Variants in DLG2 observed in about 807,000 individuals in gnomAD.
DLG2 encodes disks large homolog 2.
A neutral mutation model predicts 132.5 loss-of-function variants in DLG2; 45 were observed. The ratio of observed to expected loss-of-function variants is 0.34; its 90% CI spans 0.27 to 0.44. The LOEUF is 0.44. DLG2 is among the 20% of genes least tolerant of loss of function. The pLI, the probability that DLG2 is intolerant of heterozygous loss-of-function variation, is 1.00. For synonymous variants in DLG2, 424 were observed against 419.6 expected, an observed-to-expected ratio of 1.01 and a Z score of -0.13; for missense variants, 1,045 against 1,196.9, an observed-to-expected ratio of 0.87 and a Z score of 1.87.
chr11:84,590,569 G>C (rs1402014743), intron 6 of DLG2, among the ~76,000 whole-genome samples: 1 of 152,014 alleles, frequency 6.6e-6, no homozygotes, highest in Non-Finnish European at 1.5e-5. Flanking sequence ...TATCTTCTAG[G>C]GGTGAGAGAT....
At chr11:85,211,979 A>G (rs891296262) in intron 4 of DLG2, among the ~76,000 whole-genome samples, 1 of 152,106 alleles carries the variant, frequency 6.6e-6, no homozygotes, top group Admixed American at 6.6e-5. Context: ...AATTAAATGA[A>G]AAGTTTCTGC....
chr11:85,209,445 C>CT lies in DLG2; in HGVS notation c.187-54795dup, dbSNP rs1164394816. Among the ~76,000 whole-genome samples, 553 of 74,426 alleles carry CT rather than the reference C, an allele frequency of 7.4e-3. 41 individuals are homozygous for CT. Among genetic ancestry groups the CT allele is most frequent in the South Asian group, 0.052 (85 of 1,646 alleles). The allele number at this position is 74,426 out of a possible 152,430, so 48.8% of individuals were successfully genotyped here. ...AACTTATGGGCACAAAGAAATCAGT[C>CT]TTTTTTTTTTTTTTTTTTTTTTGAG... On this transcript the variant is annotated intron_variant, in intron 4 of 27. Transcript: ENST00000376104.
intron 3 of DLG2, among the ~76,000 whole-genome samples, chr11:85,359,609 T>C (rs1596509058): frequency 1.3e-5 from 2 of 152,324 alleles, no homozygotes; most frequent in Middle Eastern, 3.4e-3. Flanking sequence ...CTAGAGGTGA[T>C]ATGCACAACA....
At chr11:84,495,918 A>G (rs2099181906) in intron 7 of DLG2, among the ~76,000 whole-genome samples, 2 of 152,116 alleles carry the variant, frequency 1.3e-5, no homozygotes, top group South Asian at 4.1e-4. Context: ...CACAGAATGA[A>G]TGCTTCTCAA....
Position 84,534,738 on chromosome 11 carries a change from G to C in DLG2, c.358-7C>G. The C allele has an allele frequency of 1.2e-6, 2 of 1,613,388 alleles. No homozygotes were observed. Among genetic ancestry groups the C allele is most frequent in the African/African-American group, 1.3e-5 (1 of 75,000 alleles). On this transcript the variant is annotated splice_region_variant and splice_polypyrimidine_tract_variant and intron_variant, in intron 6 of 27. Transcript: ENST00000376104. ...CATCTTGATATCGATACTTCTAGGA[G>C]AAAAGAAAAGAAAGGACAAGTATGT... is the stretch of plus-strand genomic sequence containing the variant.
chr11:85,331,648 G>A (rs949410575), intron 3 of DLG2, among the ~76,000 whole-genome samples: 13 of 152,084 alleles, frequency 8.5e-5, no homozygotes, highest in Non-Finnish European at 1.5e-4. Flanking sequence ...AGGCCCCGGT[G>A]GCTATGATTC....
chr11:84,484,955 A>G (rs1416158447), intron 7 of DLG2, among the ~76,000 whole-genome samples: 1 of 152,194 alleles, frequency 6.6e-6, no homozygotes, highest in African/African-American at 2.4e-5. Flanking sequence ...ACTATACACC[A>G]GACCACAAAT....
intron 11 of DLG2, among the ~76,000 whole-genome samples, chr11:84,011,735 G>C (rs1328638831): frequency 6.6e-6 from 1 of 152,022 alleles, no homozygotes. Context: ...ATGAAACAAT[G>C]AATGTGGCCA....
intron 7 of DLG2, among the ~76,000 whole-genome samples, chr11:84,445,419 G>A (rs1032160773): frequency 6.6e-6 from 1 of 152,098 alleles, no homozygotes; most frequent in Non-Finnish European, 1.5e-5. Context: ...TTTGTAAATC[G>A]ACAATGATTT....
chr11:85,455,702 G>C (rs1004683620), intron 3 of DLG2, among the ~76,000 whole-genome samples: 1 of 152,024 alleles, frequency 6.6e-6, no homozygotes, highest in African/African-American at 2.4e-5. Flanking sequence ...TGCTCCTTCA[G>C]TGCCTAGTTT....
At chr11:84,139,226 A>G (rs1595973125) in intron 9 of DLG2, among the ~76,000 whole-genome samples, 1 of 152,000 alleles carries the variant, frequency 6.6e-6, no homozygotes, top group South Asian at 2.1e-4. Context: ...AGCATCTTAC[A>G]CACCCGCCAC....
rs183903584 is a variant in DLG2, at chr11:84,212,149, G to C, written c.573+39089C>G. Among the ~76,000 whole-genome samples, 9 of 152,296 alleles carry C rather than the reference G, an allele frequency of 5.9e-5. No individual in the cohort carries two copies. In the East Asian group the frequency reaches 1.7e-3, roughly 29 times the overall value. Reference sequence around the variant, plus strand: ...CAAATGGAATATTCATGAGTTAAGAGATAATTTTTATCATCCCTGGAGACC... The same window carrying C: ...CAAATGGAATATTCATGAGTTAAGACATAATTTTTATCATCCCTGGAGACC... On this transcript the variant is annotated intron_variant, in intron 8 of 27. Transcript: ENST00000376104.
At chr11:84,429,471 G>C (rs1031179482) in intron 7 of DLG2, among the ~76,000 whole-genome samples, 2 of 152,146 alleles carry the variant, frequency 1.3e-5, no homozygotes, top group Non-Finnish European at 2.9e-5. Flanking sequence ...TAATACAGCT[G>C]AGAGTGTCCC....
chr11:85,430,317 C>A (rs556468649), intron 3 of DLG2, among the ~76,000 whole-genome samples: 1 of 150,038 alleles, frequency 6.7e-6, no homozygotes. Flanking sequence ...CTAACCTGCG[C>A]GTTGTGCACA....
chr11:83,690,687 T>TGGGGGGGGGGG (rs565253053), intron 18 of DLG2, among the ~76,000 whole-genome samples: 13 of 44,302 alleles, frequency 2.9e-4, no homozygotes, highest in South Asian at 6.6e-4. Flanking sequence ...TGGGTGGGGG[T>TGGGGGGGGGGG]GGGGGGGGTG....
chr11:84,105,297 T>C (rs1408748385), intron 9 of DLG2, among the ~76,000 whole-genome samples: 1 of 152,188 alleles, frequency 6.6e-6, no homozygotes, highest in Non-Finnish European at 1.5e-5. Flanking sequence ...GCCATTGACA[T>C]CTGCATGGTA....
At chr11:85,553,816 T>C (rs2076797051) in intron 3 of DLG2, among the ~76,000 whole-genome samples, 1 of 151,278 alleles carries the variant, frequency 6.6e-6, no homozygotes, top group South Asian at 2.1e-4. Context: ...ATTTAAGAAT[T>C]ACATTAAATT....
chr11:84,898,222 A>G lies in DLG2; in HGVS notation c.357+213439T>C, dbSNP rs931334346. 4.6e-5 allele frequency among the ~76,000 whole-genome samples: 7 copies of G among 151,980 alleles called. No homozygotes were observed. In the East Asian group the frequency reaches 1.3e-3, roughly 29 times the overall value. On this transcript the variant is annotated intron_variant, in intron 6 of 27. Transcript: ENST00000376104. ...GAGCACAGAGCTAGGTGGGAGAGTA[A>G]AAAATTTCTAATCAGCTGTAATACT...
intron 11 of DLG2, among the ~76,000 whole-genome samples, chr11:84,021,949 G>T (rs2095408746): frequency 6.6e-6 from 1 of 152,024 alleles, no homozygotes; most frequent in African/African-American, 2.4e-5. Flanking sequence ...GTTTCTCCAT[G>T]TTGGTCAGGC....
Sources: gnomAD v4.1 joint callset for allele counts (sites outside exome capture counted in the v4.1 genomes callset) on GRCh38, gnomAD v4.1.1 for gene constraint, MANE v1.5 for transcripts, NCBI Gene and HGNC (gene_info 2026-07-23, HGNC 2026-07-21) for gene names.